CERT1: variants seen among roughly 807,000 people sequenced by gnomAD.
CERT1 encodes ceramide transfer protein.
Under a neutral mutation model 87.9 loss-of-function variants are expected in CERT1, and 31 were observed. That is an observed-to-expected ratio of 0.35 (90% CI 0.27 to 0.48). The LOEUF (loss-of-function observed/expected upper bound fraction) is 0.48, where lower values mean the gene tolerates loss of function less well. Among genes scored for constraint, CERT1 ranks in the 20% least tolerant of loss-of-function variants. The pLI, the probability that CERT1 is intolerant of heterozygous loss-of-function variation, is 0.99. For synonymous variants in CERT1, 289 were observed against 250.9 expected (o/e 1.15, Z -1.44); for missense variants, 487 against 758.0 (o/e 0.64, Z 4.20).
At chr5:75,440,465 C>G (rs1217961896) in intron 3 of CERT1, among the ~76,000 whole-genome samples, 1 of 152,016 alleles carries the variant, frequency 6.6e-6, no homozygotes, top group East Asian at 1.9e-4. Flanking sequence ...CCTAGTCATT[C>G]CTGTATCATA....
At chr5:75,391,691 A>C (rs1246464715) in intron 11 of CERT1, among the ~76,000 whole-genome samples, 1 of 152,222 alleles carries the variant, frequency 6.6e-6, no homozygotes, top group East Asian at 1.9e-4. Context: ...GAAAAGTTCC[A>C]GTTAGTATGC....
intron 11 of CERT1, among the ~76,000 whole-genome samples, chr5:75,390,814 CT>C (rs1364017970): frequency 6.6e-6 from 1 of 152,154 alleles, no homozygotes; most frequent in Non-Finnish European, 1.5e-5. Context: ...AACTTCCCCC[CT>C]ACCCGCCAGA....
At chr5:75,409,232 C>A (rs969447179) in intron 8 of CERT1, among the ~76,000 whole-genome samples, 3 of 151,836 alleles carry the variant, frequency 2.0e-5, no homozygotes, top group Non-Finnish European at 4.4e-5. Context: ...ATATTAAAAC[C>A]TCAGAGGATA....
chr5:75,511,284 G>T lies in CERT1; in HGVS notation c.-77C>A. 17 of 1,576,528 alleles carry T rather than the reference G, an allele frequency of 1.1e-5. 1 individual carries two copies. In the South Asian group the frequency reaches 1.9e-4, roughly 18 times the overall value. On this transcript the variant is annotated 5_prime_UTR_variant, in exon 1 of 17. Transcript: ENST00000643780. ...GGAGGAGGCGCCCAGTCCTCGGGGT[G>T]AAGGGTCGGGGGATGGCGAAGCGAA...
chr5:75,491,191 A>T (rs1176273594), intron 2 of CERT1, among the ~76,000 whole-genome samples: 1 of 152,022 alleles, frequency 6.6e-6, no homozygotes, highest in Admixed American at 6.6e-5. Flanking sequence ...GTTTAATGGC[A>T]TCTTTTTCTT....
intron 17 of CERT1, chr5:75,372,375 C>T (rs1220233607): frequency 7.8e-5 from 10 of 129,008 alleles, no homozygotes; most frequent in East Asian, 2.7e-4. Context: ...AAATAAAATA[C>T]ACATTTGAGG....
At chr5:75,380,190 A>C (rs2111986193) in intron 16 of CERT1, among the ~76,000 whole-genome samples, 1 of 152,306 alleles carries the variant, frequency 6.6e-6, no homozygotes, top group South Asian at 2.1e-4. Context: ...CCAGGTGCAA[A>C]GCAGGTGAAG....
At position 75,384,635 on chromosome 5, in the gene CERT1, T is replaced by C; in HGVS notation, c.1488+7A>G. On this transcript the variant is annotated splice_region_variant and intron_variant, in intron 14 of 16. Coordinates refer to ENST00000643780, the MANE Select transcript of CERT1 (RefSeq NM_001379029.1). ...AATCCTTTTAGGATGAATGAAGAGA[T>C]CTTTACCTTGTGTGTTTGATAAATG... is the stretch of plus-strand genomic sequence containing the variant. 3 of 1,584,626 alleles carry C rather than the reference T, an allele frequency of 1.9e-6. No individual in the cohort carries two copies. The highest frequency in any genetic ancestry group is 2.6e-6 in the Non-Finnish European group (3 of 1,153,926).
At chr5:75,470,824 T>C (rs890332405) in intron 2 of CERT1, among the ~76,000 whole-genome samples, 2 of 152,122 alleles carry the variant, frequency 1.3e-5, no homozygotes, top group African/African-American at 4.8e-5. Flanking sequence ...ATGACCCTTA[T>C]ATATAGAAAA....
intron 7 of CERT1, among the ~76,000 whole-genome samples, chr5:75,416,568 C>T (rs1251794529): frequency 6.6e-6 from 1 of 152,176 alleles, no homozygotes; most frequent in Non-Finnish European, 1.5e-5. Context: ...TTTCATACAT[C>T]ATGCACCTAA....
intron 13 of CERT1, among the ~76,000 whole-genome samples, chr5:75,385,107 A>G (rs1761731400): frequency 6.6e-6 from 1 of 152,202 alleles, no homozygotes; most frequent in African/African-American, 2.4e-5. Flanking sequence ...CAAACTGCCA[A>G]TGATAAACAT....
intron 2 of CERT1, among the ~76,000 whole-genome samples, chr5:75,472,018 T>G (rs1765734519): frequency 6.6e-6 from 1 of 152,112 alleles, no homozygotes; most frequent in Non-Finnish European, 1.5e-5. Context: ...CTACCTGACT[T>G]CAAAATATAC....
rs781740125 is a variant in CERT1, at chr5:75,425,356, T to G, written c.595+5A>C. On this transcript the variant is annotated splice_donor_5th_base_variant and intron_variant, in intron 5 of 16. Transcript: ENST00000643780. ...AGTAAAAATAGTGGTAATAGCCTAA[T>G]TAACCTTTATCCCTTTGAAGTTCAT... 6.2e-6 allele frequency: 10 copies of G among 1,611,054 alleles called. No individual in the cohort carries two copies. The highest frequency in any genetic ancestry group is 6.8e-6 in the Non-Finnish European group (8 of 1,178,846).
chr5:75,455,167 T>C (rs997071807), intron 3 of CERT1, among the ~76,000 whole-genome samples: 5 of 152,206 alleles, frequency 3.3e-5, no homozygotes, highest in African/African-American at 1.2e-4. Context: ...CCAATTCTTC[T>C]TCACAATGTC....
At chr5:75,446,145 G>A (rs768206676) in intron 3 of CERT1, among the ~76,000 whole-genome samples, 3 of 152,086 alleles carry the variant, frequency 2.0e-5, no homozygotes, top group Non-Finnish European at 4.4e-5. Context: ...TGTATAGGGA[G>A]GTCTGTCAGA....
At chr5:75,510,402 T>C (rs1767885083) in intron 1 of CERT1, among the ~76,000 whole-genome samples, 1 of 152,178 alleles carries the variant, frequency 6.6e-6, no homozygotes, top group African/African-American at 2.4e-5. Flanking sequence ...ATATAAAAGA[T>C]AAAACATCTT....
chr5:75,484,784 C>T (rs533574298), intron 2 of CERT1, among the ~76,000 whole-genome samples: 1 of 152,012 alleles, frequency 6.6e-6, no homozygotes, highest in Admixed American at 6.5e-5. Flanking sequence ...CTGGAGACTT[C>T]AACACCCCAC....
At chr5:75,420,541 G>C (rs1008590604) in intron 5 of CERT1, among the ~76,000 whole-genome samples, 19 of 151,766 alleles carry the variant, frequency 1.3e-4, no homozygotes, top group Admixed American at 8.5e-4. Context: ...GACGGGGTTT[G>C]ACCATGTTAG....
intron 8 of CERT1, 182 bp downstream of exon 8, chr5:75,410,825 TAAGA>T (rs1306086508): frequency 1.2e-4 from 44 of 374,932 alleles, no homozygotes; most frequent in Non-Finnish European, 1.5e-4. Flanking sequence ...TTGTAGGCAA[TAAGA>T]AATATATATT....
Sources: gnomAD v4.1 joint callset for allele counts (sites outside exome capture counted in the v4.1 genomes callset) on GRCh38, gnomAD v4.1.1 for gene constraint, MANE v1.5 for transcripts, NCBI Gene and HGNC (gene_info 2026-07-23, HGNC 2026-07-21) for gene names.